Variants in ZSWIM5 observed in about 807,000 individuals in gnomAD.
ZSWIM5 encodes zinc finger SWIM domain-containing protein 5.
In ZSWIM5, 55 loss-of-function variants were observed where a neutral mutation model predicts 119.6. That is an observed-to-expected ratio of 0.46 (90% CI 0.37 to 0.58). The LOEUF is 0.58. ZSWIM5 is among the 20% of genes least tolerant of loss of function. The pLI is 0.00. For synonymous variants in ZSWIM5, 537 were observed against 606.9 expected (o/e 0.88, Z 1.69); for missense variants, 1,193 against 1,512.8 (o/e 0.79, Z 3.51).
rs766878873 is a variant in ZSWIM5 at position 45,176,170 on chromosome 1, A to ATT, written c.595+29585_595+29586insAA. Among the ~76,000 whole-genome samples the ATT allele has an allele frequency of 3.4e-4, 51 of 149,666 alleles. 1 individual carries two copies. The highest frequency in any genetic ancestry group is 6.2e-4 in the Non-Finnish European group (42 of 67,488). ...TAATATATATTATATATATATTCCA[A>ATT]TATATACTAAAAACCATGAGTTCAC... is the stretch of plus-strand genomic sequence containing the variant. On this transcript the variant is annotated intron_variant, in intron 1 of 13. Coordinates refer to ENST00000359600, the MANE Select transcript of ZSWIM5 (RefSeq NM_020883.2).
chr1:45,073,495 G>T (rs1645237149), intron 2 of ZSWIM5, among the ~76,000 whole-genome samples: 1 of 151,532 alleles, frequency 6.6e-6, no homozygotes, highest in Admixed American at 6.6e-5. Context: ...CTGACCTTAG[G>T]TGATCTGCCT....
intron 1 of ZSWIM5, among the ~76,000 whole-genome samples, chr1:45,138,796 T>C (rs919249897): frequency 1.3e-5 from 2 of 152,258 alleles, no homozygotes; most frequent in African/African-American, 4.8e-5. Flanking sequence ...AACCAGCTCC[T>C]ATCCTCACTA....
chr1:45,044,155 A>T (rs1046764150), intron 5 of ZSWIM5, among the ~76,000 whole-genome samples: 4 of 150,178 alleles, frequency 2.7e-5, no homozygotes, highest in Non-Finnish European at 5.9e-5. Context: ...ACACCACTGC[A>T]CTCTAGCCTG....
chr1:45,056,937 TTC>T (rs1645127332), intron 4 of ZSWIM5, among the ~76,000 whole-genome samples: 2 of 152,194 alleles, frequency 1.3e-5, no homozygotes, highest in South Asian at 2.1e-4. Context: ...AGTGAGCCAT[TTC>T]TCTCTACATT....
intron 1 of ZSWIM5, among the ~76,000 whole-genome samples, chr1:45,110,823 G>A (rs551628375): frequency 6.6e-6 from 1 of 152,238 alleles, no homozygotes; most frequent in East Asian, 1.9e-4. Flanking sequence ...TGGCCACAGA[G>A]AGCTCTTTAT....
chr1:45,063,057 A>G (rs1400105553), intron 2 of ZSWIM5, among the ~76,000 whole-genome samples: 2 of 152,124 alleles, frequency 1.3e-5, no homozygotes, highest in African/African-American at 4.8e-5. Flanking sequence ...CCCACTTATA[A>G]GTGAGAACAT....
chr1:45,188,449 T>C (rs1646071921), intron 1 of ZSWIM5, among the ~76,000 whole-genome samples: 1 of 152,144 alleles, frequency 6.6e-6, no homozygotes, highest in Non-Finnish European at 1.5e-5. Context: ...GGGATTGGAT[T>C]GGGGAGTGAC....
At chr1:45,040,590 A>G in intron 6 of ZSWIM5, 52 bp from the exon 7 acceptor site, 1 of 1,512,184 alleles carries the variant, frequency 6.6e-7, no homozygotes, top group Non-Finnish European at 8.9e-7. Flanking sequence ...CAAGTCAGGA[A>G]AATTTATACC....
chr1:45,134,720 G>T (rs542600824), intron 1 of ZSWIM5, among the ~76,000 whole-genome samples: 4 of 152,212 alleles, frequency 2.6e-5, no homozygotes, highest in Non-Finnish European at 5.9e-5. Context: ...CAAAACCTGA[G>T]CTGGGAAGAA....
At chr1:45,092,541 C>CT (rs371932902) in intron 1 of ZSWIM5, among the ~76,000 whole-genome samples, 1 of 89,044 alleles carries the variant, frequency 1.1e-5, no homozygotes, top group Non-Finnish European at 2.7e-5. Flanking sequence ...GTGATCCACC[C>CT]CCCCCCCCCC....
At chr1:45,170,871 G>T (rs1645942341) in intron 1 of ZSWIM5, among the ~76,000 whole-genome samples, 1 of 152,068 alleles carries the variant, frequency 6.6e-6, no homozygotes, top group African/African-American at 2.4e-5. Flanking sequence ...TAGGAATGAG[G>T]CACCACACTT....
intron 1 of ZSWIM5, among the ~76,000 whole-genome samples, chr1:45,147,926 G>C (rs778591464): frequency 6.6e-6 from 1 of 152,164 alleles, no homozygotes; most frequent in Non-Finnish European, 1.5e-5. Flanking sequence ...GTGGGGGAGG[G>C]TCAAGATGGA....
chr1:45,117,107 G>C (rs1645562936), intron 1 of ZSWIM5, among the ~76,000 whole-genome samples: 1 of 152,128 alleles, frequency 6.6e-6, no homozygotes, highest in Admixed American at 6.5e-5. Context: ...AAGCTCAAAA[G>C]ACAGAAAAAA....
chr1:45,115,996 C>T (rs1480627564), intron 1 of ZSWIM5, among the ~76,000 whole-genome samples: 11 of 152,134 alleles, frequency 7.2e-5, no homozygotes, highest in Non-Finnish European at 1.5e-5. Context: ...CAATCCCAGG[C>T]ACTCGCAGGC....
chr1:45,094,890 G>T (rs1240299880), intron 1 of ZSWIM5, among the ~76,000 whole-genome samples: 2 of 150,638 alleles, frequency 1.3e-5, no homozygotes, highest in Non-Finnish European at 3.0e-5. Flanking sequence ...GACAGAGACA[G>T]CAGTATGTTG....
At chr1:45,184,091 A>G (rs1646041215) in intron 1 of ZSWIM5, among the ~76,000 whole-genome samples, 1 of 152,236 alleles carries the variant, frequency 6.6e-6, no homozygotes, top group Non-Finnish European at 1.5e-5. Context: ...AGGCTGGTTC[A>G]ATATACACAA....
intron 10 of ZSWIM5, 79 bp downstream of exon 10, chr1:45,035,609 A>G (rs1313737339): frequency 3.9e-6 from 6 of 1,543,024 alleles, no homozygotes; most frequent in African/African-American, 1.4e-5. Context: ...AAAGAAAAGA[A>G]AGTGAAATAA....
At chr1:45,149,323 T>C (rs911049770) in intron 1 of ZSWIM5, among the ~76,000 whole-genome samples, 1 of 152,198 alleles carries the variant, frequency 6.6e-6, no homozygotes, top group Non-Finnish European at 1.5e-5. Context: ...TAAAATAATC[T>C]ACCAATAGTA....
chr1:45,142,666 A>G (rs1034616942), intron 1 of ZSWIM5, among the ~76,000 whole-genome samples: 19 of 152,154 alleles, frequency 1.2e-4, no homozygotes, highest in Non-Finnish European at 2.5e-4. Flanking sequence ...ATAGGTGGCC[A>G]AAAACTTTCT....
Sources: gnomAD v4.1 joint callset for allele counts (sites outside exome capture counted in the v4.1 genomes callset) on GRCh38, gnomAD v4.1.1 for gene constraint, MANE v1.5 for transcripts, NCBI Gene and HGNC (gene_info 2026-07-23, HGNC 2026-07-21) for gene names.